SDHAF3: variants seen among roughly 807,000 people sequenced by gnomAD.
The protein encoded by SDHAF3 is succinate dehydrogenase complex assembly factor 3.
SDHAF3 carries 18 observed loss-of-function variants against 11.5 expected under a neutral mutation model. That is an observed-to-expected ratio of 1.56 (90% CI 1.08 to 2.32). SDHAF3 has a LOEUF of 2.32. Among genes scored for constraint, SDHAF3 ranks in the 30% most tolerant of loss-of-function variants. SDHAF3 has a pLI of 0.00. For synonymous variants in SDHAF3, 72 were observed against 59.3 expected (o/e 1.21, Z -0.99); for missense variants, 200 against 154.4 (o/e 1.30, Z -1.57).
chr7:97,121,692 G>C (rs190850642), intron 1 of SDHAF3, among the ~76,000 whole-genome samples: 81 of 152,136 alleles, frequency 5.3e-4, no homozygotes, highest in African/African-American at 1.7e-3. Flanking sequence ...AATGCTGTGG[G>C]ATCAAGGAGT....
At chr7:97,175,229 T>C (rs915137475) in intron 1 of SDHAF3, among the ~76,000 whole-genome samples, 1 of 152,182 alleles carries the variant, frequency 6.6e-6, no homozygotes, top group African/African-American at 2.4e-5. Context: ...TTTAAGATAA[T>C]TTATAATTTG....
At chr7:97,137,194 G>A (rs1788940547) in intron 1 of SDHAF3, among the ~76,000 whole-genome samples, 1 of 152,042 alleles carries the variant, frequency 6.6e-6, no homozygotes, top group African/African-American at 2.4e-5. Flanking sequence ...GTCAGTCAAA[G>A]GAGAACCCTT....
chr7:97,179,474 ATT>A (rs1209427318), intron 1 of SDHAF3, among the ~76,000 whole-genome samples: 2 of 134,110 alleles, frequency 1.5e-5, no homozygotes, highest in African/African-American at 2.6e-5. Context: ...AATTATTTCC[ATT>A]TTTTTTTTTT....
At chr7:97,180,874 T>C in intron 1 of SDHAF3, 138 bp from the exon 2 acceptor site, 1 of 695,460 alleles carries the variant, frequency 1.4e-6, no homozygotes, top group Non-Finnish European at 2.4e-6. Flanking sequence ...TTCACAACTA[T>C]ATTTATATCT....
chr7:97,156,806 TA>T lies in SDHAF3; in HGVS notation c.175-24205del, dbSNP rs202098979. ...TTTCTTTTTTAATGTTTTACATATATATTTTTTTAGAGTGAATTATGTTTTT... is the reference window on the plus strand; with the variant it reads ...TTTCTTTTTTAATGTTTTACATATATTTTTTTTAGAGTGAATTATGTTTTT... On this transcript the variant is annotated intron_variant, in intron 1 of 1. Coordinates refer to ENST00000432641, the MANE Select transcript of SDHAF3 (RefSeq NM_020186.3). 7.3e-3 allele frequency among the ~76,000 whole-genome samples: 1,108 copies of T among 152,266 alleles called. 15 individuals are homozygous for T. Among genetic ancestry groups the T allele is most frequent in the African/African-American group, 0.025 (1,024 of 41,548 alleles).
intron 1 of SDHAF3, among the ~76,000 whole-genome samples, chr7:97,148,752 A>G (rs1212173827): frequency 6.6e-6 from 1 of 152,154 alleles, no homozygotes; most frequent in Non-Finnish European, 1.5e-5. Flanking sequence ...TATGTGCGTA[A>G]GATAACCTAG....
intron 1 of SDHAF3, among the ~76,000 whole-genome samples, chr7:97,171,009 T>C (rs1212280143): frequency 1.3e-5 from 2 of 152,012 alleles, no homozygotes; most frequent in African/African-American, 2.4e-5. Flanking sequence ...GGTTCTTTTT[T>C]CTTTTTCTAT....
At chr7:97,166,183 T>G (rs1383893714) in intron 1 of SDHAF3, among the ~76,000 whole-genome samples, 1 of 152,172 alleles carries the variant, frequency 6.6e-6, no homozygotes, top group Non-Finnish European at 1.5e-5. Flanking sequence ...ACCAATTAAC[T>G]TAGTAGTTTT....
chr7:97,166,451 A>C (rs1302928899), intron 1 of SDHAF3, among the ~76,000 whole-genome samples: 2 of 152,178 alleles, frequency 1.3e-5, no homozygotes, highest in Non-Finnish European at 2.9e-5. Flanking sequence ...CCTGAAATCA[A>C]TAAAAGGGAG....
intron 1 of SDHAF3, among the ~76,000 whole-genome samples, chr7:97,158,374 C>G (rs929379633): frequency 1.3e-5 from 2 of 152,198 alleles, no homozygotes; most frequent in African/African-American, 4.8e-5. Flanking sequence ...GTTGCCCAGG[C>G]TGGAGTGCAG....
At chr7:97,179,779 T>A (rs999895920) in intron 1 of SDHAF3, among the ~76,000 whole-genome samples, 2 of 145,352 alleles carry the variant, frequency 1.4e-5, no homozygotes, top group African/African-American at 2.6e-5. Flanking sequence ...CTGAAGCATA[T>A]AGAAGTGGAA....
At chr7:97,168,292 T>G (rs1020719108) in intron 1 of SDHAF3, among the ~76,000 whole-genome samples, 5 of 152,226 alleles carry the variant, frequency 3.3e-5, no homozygotes, top group African/African-American at 4.8e-5. Context: ...CAGGAGCAAT[T>G]TGGGGGAGGG....
chr7:97,165,108 C>A (rs1789480944), intron 1 of SDHAF3, among the ~76,000 whole-genome samples: 1 of 151,978 alleles, frequency 6.6e-6, no homozygotes, highest in Non-Finnish European at 1.5e-5. Flanking sequence ...CTTGGTGAAA[C>A]CCCATCTCTA....
intron 1 of SDHAF3, among the ~76,000 whole-genome samples, chr7:97,180,471 A>G (rs1263288771): frequency 3.3e-5 from 5 of 152,198 alleles, no homozygotes; most frequent in African/African-American, 1.2e-4. Flanking sequence ...GTATGGGTTG[A>G]AAAGCTACAT....
intron 1 of SDHAF3, among the ~76,000 whole-genome samples, chr7:97,143,320 A>G (rs890309030): frequency 1.1e-4 from 17 of 151,804 alleles, no homozygotes; most frequent in African/African-American, 3.1e-4. Flanking sequence ...TTCTTTTTCC[A>G]TAAGTTATTG....
chr7:97,139,501 G>A (rs972938827), intron 1 of SDHAF3, among the ~76,000 whole-genome samples: 3 of 152,230 alleles, frequency 2.0e-5, no homozygotes, highest in African/African-American at 7.2e-5. Context: ...AATAGGTGAA[G>A]GGTGAGGATC....
chr7:97,132,553 A>G (rs961535417), intron 1 of SDHAF3, among the ~76,000 whole-genome samples: 3 of 152,192 alleles, frequency 2.0e-5, no homozygotes, highest in Non-Finnish European at 2.9e-5. Flanking sequence ...CTTACAGATC[A>G]TACTTAAATA....
At chr7:97,122,933 T>C (rs1791523377) in intron 1 of SDHAF3, among the ~76,000 whole-genome samples, 1 of 151,728 alleles carries the variant, frequency 6.6e-6, no homozygotes, top group African/African-American at 2.4e-5. Context: ...TTTTTTTCCA[T>C]CTGTATGTAG....
At chr7:97,150,534 G>A (rs556232688) in intron 1 of SDHAF3, among the ~76,000 whole-genome samples, 4 of 149,822 alleles carry the variant, frequency 2.7e-5, no homozygotes, top group Admixed American at 6.7e-5. Flanking sequence ...TCAGTGAGCA[G>A]TAATATTTTG....
Sources: gnomAD v4.1 joint callset for allele counts (sites outside exome capture counted in the v4.1 genomes callset) on GRCh38, gnomAD v4.1.1 for gene constraint, MANE v1.5 for transcripts, NCBI Gene and HGNC (gene_info 2026-07-23, HGNC 2026-07-21) for gene names.